ETV6: variants seen among roughly 807,000 people sequenced by gnomAD.
ETV6 encodes ETS variant transcription factor 6, also known as transcription factor ETV6.
Under a neutral mutation model 51.1 loss-of-function variants are expected in ETV6, and 16 were observed. That is an observed-to-expected ratio of 0.31 (90% CI 0.21 to 0.48). The LOEUF is 0.48. ETV6 is among the 20% of genes least tolerant of loss of function. The probability of loss-of-function intolerance (pLI) is 0.99; values close to 1 mark genes in which losing one functional copy is unlikely to be tolerated. For synonymous variants in ETV6, 240 were observed against 224.1 expected (o/e 1.07, Z -0.64); for missense variants, 458 against 594.8 (o/e 0.77, Z 2.39).
chr12:11,791,140 C>T (rs760225942), intron 2 of ETV6, among the ~76,000 whole-genome samples: 14 of 152,200 alleles, frequency 9.2e-5, no homozygotes, highest in East Asian at 3.9e-4. Flanking sequence ...TTTAGAATTC[C>T]GCTTTCTTGG....
intron 1 of ETV6, among the ~76,000 whole-genome samples, chr12:11,746,148 G>C (rs1397837475): frequency 2.0e-5 from 3 of 152,242 alleles, no homozygotes; most frequent in Non-Finnish European, 2.9e-5. Flanking sequence ...CTGGAATTCT[G>C]TGAGGAGTGA....
chr12:11,872,429 A>T (rs2739091), intron 5 of ETV6, among the ~76,000 whole-genome samples: 2 of 151,626 alleles, frequency 1.3e-5, no homozygotes, highest in Admixed American at 1.3e-4. Context: ...AGACTTGAGG[A>T]GTTATTTTTC....
At chr12:11,765,710 G>A (rs556407879) in intron 2 of ETV6, among the ~76,000 whole-genome samples, 4 of 151,314 alleles carry the variant, frequency 2.6e-5, no homozygotes, top group African/African-American at 4.9e-5. Context: ...GTGGGAAAGC[G>A]TGCATGGGGA....
intron 2 of ETV6, 66 bp from the exon 3 acceptor site, chr12:11,839,074 T>C (rs1206939190): frequency 6.5e-7 from 1 of 1,527,488 alleles, no homozygotes; most frequent in Non-Finnish European, 8.9e-7. Context: ...CCTTCTCCCT[T>C]TATTCCAGCT....
chr12:11,744,617 T>C, intron 1 of ETV6, among the ~76,000 whole-genome samples: 1 of 151,840 alleles, frequency 6.6e-6, no homozygotes, highest in East Asian at 1.9e-4. Flanking sequence ...TTTCCAGGAG[T>C]GGTGATGTGT....
chr12:11,760,565 A>G (rs1226116240), intron 2 of ETV6, among the ~76,000 whole-genome samples: 1 of 152,230 alleles, frequency 6.6e-6, no homozygotes, highest in Admixed American at 6.5e-5. Flanking sequence ...AAAAGCACCT[A>G]GGACAAGTTT....
intron 2 of ETV6, among the ~76,000 whole-genome samples, chr12:11,772,422 C>G (rs779004101): frequency 3.3e-5 from 5 of 152,140 alleles, no homozygotes; most frequent in African/African-American, 4.8e-5. Flanking sequence ...TTTCAGTGAT[C>G]AGGTCTGTGC....
rs557784840 is a variant in ETV6, at chr12:11,874,157, C to A, written c.1009+4188C>A. Among the ~76,000 whole-genome samples, 41 of 47,984 alleles carry A rather than the reference C, an allele frequency of 8.5e-4. 11 individuals carry two copies. Among genetic ancestry groups the A allele is most frequent in the Non-Finnish European group, 1.2e-3 (32 of 25,742 alleles). 31.5% of individuals were successfully genotyped at this position (47,984 alleles called of 152,430 possible). ...TTGGAAGGCCAAGGCTGGCAGATCA[C>A]CTGAGGTCAGGATTTCGAGACCAGC... On this transcript the variant is annotated intron_variant, in intron 5 of 7. Transcript: ENST00000396373.
At chr12:11,682,014 G>C (rs149162315) in intron 1 of ETV6, among the ~76,000 whole-genome samples, 79 of 152,270 alleles carry the variant, frequency 5.2e-4, no homozygotes, top group Non-Finnish European at 9.7e-4. Context: ...ATTGTGAACA[G>C]TGTCACAATA....
chr12:11,881,744 T>A (rs1216678867), intron 5 of ETV6, among the ~76,000 whole-genome samples: 1 of 152,190 alleles, frequency 6.6e-6, no homozygotes, highest in Non-Finnish European at 1.5e-5. Flanking sequence ...TATTTTCCCT[T>A]TATAGAGAAA....
At chr12:11,868,943 T>G (rs921036271) in intron 4 of ETV6, among the ~76,000 whole-genome samples, 1 of 152,028 alleles carries the variant, frequency 6.6e-6, no homozygotes, top group African/African-American at 2.4e-5. Flanking sequence ...AGTTTCAATA[T>G]GCACACCTTA....
chr12:11,893,794 T>TTATATATATATATA lies in ETV6; in HGVS notation c.*2783_*2796dup, dbSNP rs57308697. On this transcript the variant is annotated 3_prime_UTR_variant, in exon 8 of 8. Coordinates refer to ENST00000396373, the MANE Select transcript of ETV6 (RefSeq NM_001987.5). ...GTGTCCATCCCCAAGATCTCTCATT[T>TTATATATATATATA]TATATATATATATATATATATATAT... The TTATATATATATATA allele has an allele frequency of 5.7e-4, 45 of 78,852 alleles. No individual in the cohort carries two copies. The highest frequency in any genetic ancestry group is 1.3e-3 in the African/African-American group (22 of 17,094). 4.9% of individuals were successfully genotyped at this position (78,852 alleles called of 1,614,324 possible).
intron 1 of ETV6, among the ~76,000 whole-genome samples, chr12:11,743,199 C>T (rs1294169411): frequency 1.3e-5 from 2 of 152,148 alleles, no homozygotes; most frequent in Non-Finnish European, 2.9e-5. Context: ...GACATTGACT[C>T]ATTTCTTTTA....
At chr12:11,733,389 C>A in intron 1 of ETV6, among the ~76,000 whole-genome samples, 1 of 114,958 alleles carries the variant, frequency 8.7e-6, no homozygotes, top group Admixed American at 1.3e-4. Flanking sequence ...GCCTGGGAGA[C>A]AGAGCGAGAC....
Position 11,827,741 on chromosome 12 carries a change from C to T in ETV6, c.164-11399C>T, listed in dbSNP as rs531440632. 5.3e-5 allele frequency among the ~76,000 whole-genome samples: 8 copies of T among 152,292 alleles called. No individual in the cohort carries two copies. The South Asian group carries it at 1.0e-3, about 20-fold the overall frequency. On this transcript the variant is annotated intron_variant, in intron 2 of 7. Transcript: ENST00000396373. ...TGCAAGTGACGGACAGATCAGGTCC[C>T]AGTTCAGAATGAGAATGAGTTTTAC...
intron 1 of ETV6, among the ~76,000 whole-genome samples, chr12:11,682,888 C>T (rs1323690225): frequency 2.0e-5 from 3 of 152,052 alleles, no homozygotes; most frequent in Non-Finnish European, 2.9e-5. Flanking sequence ...TGGTTCTAGT[C>T]GTGTGGTGTT....
intron 1 of ETV6, among the ~76,000 whole-genome samples, chr12:11,749,728 G>A (rs1865986330): frequency 6.6e-6 from 1 of 152,176 alleles, no homozygotes; most frequent in Admixed American, 6.5e-5. Context: ...GGATTCCCAA[G>A]AGTGTGTTTT....
intron 2 of ETV6, among the ~76,000 whole-genome samples, chr12:11,763,997 A>G (rs1945128262): frequency 6.6e-6 from 1 of 152,230 alleles, no homozygotes; most frequent in South Asian, 2.1e-4. Context: ...CTTTGAACAT[A>G]AATATCTCCC....
chr12:11,663,651 T>G (rs34845319), intron 1 of ETV6, among the ~76,000 whole-genome samples: 5,793 of 152,292 alleles, frequency 0.038, 129 homozygotes, highest in Admixed American at 0.063. Flanking sequence ...TGAGGGGCTG[T>G]TAGCAAGCTG....
Sources: allele counts gnomAD v4.1 joint callset (sites outside exome capture counted in the v4.1 genomes callset), GRCh38; gene constraint gnomAD v4.1.1; transcripts MANE v1.5; gene names NCBI Gene and HGNC (gene_info 2026-07-23, HGNC 2026-07-21).